SOS2: variants seen among roughly 807,000 people sequenced by gnomAD.
SOS2 encodes son of sevenless homolog 2.
Under a neutral mutation model 148.2 loss-of-function variants are expected in SOS2, and 65 were observed. The observed-to-expected ratio is 0.44, with a 90% CI of 0.36 to 0.54. The LOEUF (loss-of-function observed/expected upper bound fraction) is 0.54. SOS2 is among the 20% of genes least tolerant of loss of function. The pLI is 0.00. For missense variants in SOS2, 1,341 were observed against 1,590.2 expected, an observed-to-expected ratio of 0.84 and a Z score of 2.67; for synonymous variants, 539 against 537.1, an observed-to-expected ratio of 1.00 and a Z score of -0.05.
Position 50,145,281 on chromosome 14 carries a change from T to C in SOS2, c.2556A>G (p.Arg852=). The stretch of plus-strand genomic sequence containing the variant: ...GAAAAACTTGCAGAATTTCTATAAT[T>C]CTACTTAGTACTGCCACCCGTTCTT... ...NFEERVAVLS[R]IIEILQVFQD... The change falls in exon 16 of 23, where the codon AGA becomes AGG. Residue 852 remains arginine (R), a synonymous_variant. Transcript: ENST00000216373. 1 of 1,612,492 alleles carries C rather than the reference T, an allele frequency of 6.2e-7. No homozygotes were observed. The highest frequency in any genetic ancestry group is 8.5e-7 in the Non-Finnish European group (1 of 1,179,402).
At chr14:50,164,640 AAAAG>A (rs926273260) in intron 8 of SOS2, among the ~76,000 whole-genome samples, 2 of 151,772 alleles carry the variant, frequency 1.3e-5, no homozygotes, top group Non-Finnish European at 2.9e-5. Flanking sequence ...CCAAAAAAAA[AAAAG>A]AAAGAAAAAG....
Position 50,130,713 on chromosome 14 carries a change from G to A in SOS2, c.3125C>T (p.Thr1042Ile). The change falls in exon 20 of 23, where the codon ACA (threonine) becomes ATA (isoleucine). Residue 1042 changes from threonine (T) to isoleucine (I), a missense_variant. Thr to Ile is a moderately conservative substitution (Grantham distance 89). This residue lies in a region of SOS2 where 408 missense variants were observed against 506.6 expected (regional missense o/e 0.81). Coordinates refer to ENST00000216373, the MANE Select transcript of SOS2 (RefSeq NM_006939.4). ...ACCTGAGGTAGAGCCATGTCGGCCTGTGTTAGGCCTTATTCCAGGAGATTT... is the reference window on the plus strand; with the variant it reads ...ACCTGAGGTAGAGCCATGTCGGCCTATGTTAGGCCTTATTCCAGGAGATTT... ...SLKSPGIRPN[T>I]GRHGSTSGTL... 6.2e-7 allele frequency: 1 copy of A among 1,613,486 alleles called. No homozygotes were observed. The highest frequency in any genetic ancestry group is 1.1e-5 in the South Asian group (1 of 90,984).
rs762097372 is a variant in SOS2 at position 50,120,290 on chromosome 14, A to C, written c.3474T>G (p.Asp1158Glu). 1 of 1,575,394 alleles carries C rather than the reference A, an allele frequency of 6.3e-7. No individual in the cohort carries two copies. The highest frequency in any genetic ancestry group is 2.2e-5 in the East Asian group (1 of 44,630). ...PLPPRKKFDH[D>E]ASNSKGNMKS... ...TGTTGATTACCTTGGAATTTGAAGC[A>C]TCATGATCAAACTTTTTTCGAGGAG... Residue 1158 changes from aspartate (D) to glutamate (E), a missense_variant, in exon 22 of 23, where the codon GAT becomes GAG. Asp to Glu is a conservative substitution (Grantham distance 45). Transcript: ENST00000216373.
At chr14:50,148,045 T>C (rs1884547282) in intron 14 of SOS2, among the ~76,000 whole-genome samples, 1 of 152,190 alleles carries the variant, frequency 6.6e-6, no homozygotes, top group Non-Finnish European at 1.5e-5. Context: ...ATCAGTAGAT[T>C]TGTGTATAAA....
In SOS2 at chr14:50,138,595, G is replaced by T. The variant is rs889359090; in HGVS notation, c.2958+17C>A. The T allele has an allele frequency of 5.2e-6, 7 of 1,357,030 alleles. No homozygotes were observed. The highest frequency in any genetic ancestry group is 3.2e-5 in the South Asian group (2 of 62,698). 84.1% of individuals were successfully genotyped at this position (1,357,030 alleles called of 1,614,324 possible). On this transcript the variant is annotated intron_variant, in intron 18 of 22. Coordinates refer to ENST00000216373, the MANE Select transcript of SOS2 (RefSeq NM_006939.4). ...TTAACACGTTCTCTTCTAAAGATAT[G>T]CAAAGAAAATATTTACCCTCATATC...
intron 18 of SOS2, among the ~76,000 whole-genome samples, chr14:50,135,641 G>GTTTTTT (rs1884051868): frequency 4.4e-5 from 3 of 68,454 alleles, no homozygotes; most frequent in African/African-American, 6.3e-5. Flanking sequence ...AATGTGGTTT[G>GTTTTTT]CTTTTTTTTT....
At position 50,118,404 on chromosome 14, in the gene SOS2, C is replaced by G. The variant is rs746317294; in HGVS notation, c.3939G>C (p.Glu1313Asp). 16 of 1,614,036 alleles carry G rather than the reference C, an allele frequency of 9.9e-6. No homozygotes were observed. The highest frequency in any genetic ancestry group is 1.2e-5 in the Non-Finnish European group (14 of 1,180,044). The stretch of plus-strand genomic sequence containing the variant: ...GTCTGTACAATGGGGGGTGCGAAAG[C>G]TCCCGTTTGTAAGTCTTTGGTGGCA... Reference protein sequence around the residue: ...PKLPPKTYKRELSHPPLYRLP... With the variant: ...PKLPPKTYKRDLSHPPLYRLP... The change falls in exon 23 of 23, where the codon GAG (glutamate) becomes GAC (aspartate). Residue 1313 changes from glutamate (E) to aspartate (D), a missense_variant. This residue lies in a region of SOS2 where 354 missense variants were observed against 347.7 expected (regional missense o/e 1.02). Coordinates refer to ENST00000216373, the MANE Select transcript of SOS2 (RefSeq NM_006939.4).
intron 2 of SOS2, 109 bp downstream of exon 2, chr14:50,204,171 TCATA>T (rs1886591861): frequency 6.6e-6 from 4 of 605,768 alleles, no homozygotes; most frequent in Non-Finnish European, 8.2e-6. Context: ...ACCATATATA[TCATA>T]CATAATTTCA....
Position 50,118,289 on chromosome 14 carries a change from A to T in SOS2, c.*55T>A, listed in dbSNP as rs79469300. ...TACTATGTCTTTTTTTGAATAAATT[A>T]AAAAAAAAACTTTACAAATACCATT... On this transcript the variant is annotated 3_prime_UTR_variant, in exon 23 of 23. Transcript: ENST00000216373. 4.4e-5 allele frequency: 55 copies of T among 1,244,192 alleles called. No homozygotes were observed. The highest frequency in any genetic ancestry group is 2.8e-4 in the South Asian group (18 of 63,794). The allele number at this position is 1,244,192 out of a possible 1,614,324, so 77.1% of individuals were successfully genotyped here.
intron 8 of SOS2, among the ~76,000 whole-genome samples, chr14:50,162,207 G>A (rs1885032387): frequency 6.6e-6 from 1 of 151,844 alleles, no homozygotes; most frequent in South Asian, 2.1e-4. Context: ...ACCAAGGGTG[G>A]AATACAGTGG....
intron 2 of SOS2, 31 bp from the exon 3 acceptor site, chr14:50,201,115 T>C (rs764043031): frequency 8.1e-6 from 13 of 1,596,522 alleles, no homozygotes; most frequent in Non-Finnish European, 1.0e-5. Flanking sequence ...CATTGTAGTA[T>C]TAATAAAAGT....
At chr14:50,184,763 T>A (rs1885853944) in intron 5 of SOS2, among the ~76,000 whole-genome samples, 1 of 148,848 alleles carries the variant, frequency 6.7e-6, no homozygotes, top group South Asian at 2.1e-4. Context: ...CTCAGGAGGC[T>A]GAAGCTGGAG....
chr14:50,186,608 C>T (rs778213540), intron 5 of SOS2, among the ~76,000 whole-genome samples: 7 of 148,386 alleles, frequency 4.7e-5, no homozygotes, highest in African/African-American at 7.7e-5. Context: ...TAGCAAGACC[C>T]CCATCTATAT....
intron 21 of SOS2, among the ~76,000 whole-genome samples, chr14:50,124,816 C>G (rs1883633072): frequency 6.6e-6 from 1 of 152,132 alleles, no homozygotes; most frequent in African/African-American, 2.4e-5. Flanking sequence ...CTCATTTCAT[C>G]TGAGTACTTT....
Position 50,215,027 on chromosome 14 carries a change from G to A in SOS2, c.88-10618C>T, listed in dbSNP as rs893213459. 4.6e-5 allele frequency among the ~76,000 whole-genome samples: 7 copies of A among 151,278 alleles called. 1 individual carries two copies. The highest frequency in any genetic ancestry group is 1.0e-4 in the Non-Finnish European group (7 of 67,840). On this transcript the variant is annotated intron_variant, in intron 1 of 22. Coordinates refer to ENST00000216373, the MANE Select transcript of SOS2 (RefSeq NM_006939.4). ...ATTTTTTGTATTTTTTAGTAGAGAC[G>A]GGGTTTCACTGTGTTATCTAGGATG...
intron 18 of SOS2, among the ~76,000 whole-genome samples, chr14:50,137,166 A>G (rs1467565525): frequency 2.0e-5 from 3 of 152,150 alleles, no homozygotes; most frequent in Non-Finnish European, 4.4e-5. Flanking sequence ...CATAAACATA[A>G]TATCATAGTT....
intron 19 of SOS2, 43 bp from the exon 20 acceptor site, chr14:50,130,805 C>T (rs2139513532): frequency 6.5e-7 from 1 of 1,546,352 alleles, no homozygotes; most frequent in African/African-American, 1.4e-5. Flanking sequence ...TTTGCATAGA[C>T]AACAATTTGT....
At chr14:50,141,203 CAAAAAAAAAAAAAA>C (rs71118844) in intron 16 of SOS2, among the ~76,000 whole-genome samples, 65 of 30,594 alleles carry the variant, frequency 2.1e-3, no homozygotes, top group African/African-American at 8.5e-3. Context: ...GACTCTGTCT[CAAAAAAAAAAAAAA>C]AAAAAAAAAA....
At position 50,216,405 on chromosome 14, in the gene SOS2, A is replaced by G. The variant is rs115700630; in HGVS notation, c.88-11996T>C. 5.8e-3 allele frequency among the ~76,000 whole-genome samples: 877 copies of G among 152,210 alleles called. 11 individuals carry two copies. Among genetic ancestry groups the G allele is most frequent in the African/African-American group, 0.019 (787 of 41,536 alleles). ...AGCCACGACACCCAGCCCATTATGA[A>G]ATATTAAAATTCAATTTAAAAAGAA... On this transcript the variant is annotated intron_variant, in intron 1 of 22. Transcript: ENST00000216373.
Sources: gnomAD v4.1 joint callset for allele counts (sites outside exome capture counted in the v4.1 genomes callset) on GRCh38, gnomAD v4.1.1 for gene constraint, gnomAD v4.1.1 regional missense constraint, MANE v1.5 for transcripts, NCBI Gene and HGNC (gene_info 2026-07-23, HGNC 2026-07-21) for gene names.